The following KIAA0040 variants were observed in gnomAD, a reference collection of about 807,000 sequenced individuals.
KIAA0040 encodes KIAA0040, also known as uncharacterized protein KIAA0040.
In KIAA0040, 10 loss-of-function variants were observed where a neutral mutation model predicts 7.2. The ratio of observed to expected loss-of-function variants is 1.38; its 90% CI spans 0.85 to 2.34. The LOEUF is 2.34. Among genes scored for constraint, KIAA0040 ranks in the 30% most tolerant of loss-of-function variants. The pLI is 0.00. For missense variants in KIAA0040, 89 were observed against 108.2 expected, an observed-to-expected ratio of 0.82 and a Z score of 0.79; for synonymous variants, 49 against 40.1, an observed-to-expected ratio of 1.22 and a Z score of -0.84.
intron 2 of KIAA0040, among the ~76,000 whole-genome samples, chr1:175,176,939 GA>G: frequency 6.6e-6 from 1 of 152,226 alleles, no homozygotes; most frequent in African/African-American, 2.4e-5. Context: ...TTAAGCTGGG[GA>G]TTGCAGGGGG....
chr1:175,166,975 C>T (rs1676788746), intron 2 of KIAA0040, among the ~76,000 whole-genome samples: 1 of 152,168 alleles, frequency 6.6e-6, no homozygotes, highest in African/African-American at 2.4e-5. Context: ...GACAAGCAAA[C>T]CAGATCCCTG....
intron 1 of KIAA0040, among the ~76,000 whole-genome samples, chr1:175,189,278 A>G (rs1677778736): frequency 6.6e-6 from 1 of 152,226 alleles, no homozygotes; most frequent in Non-Finnish European, 1.5e-5. Context: ...TACCCAAGTC[A>G]TTGACTAATG....
chr1:175,189,303 C>T (rs1320720005), intron 1 of KIAA0040, among the ~76,000 whole-genome samples: 1 of 152,124 alleles, frequency 6.6e-6, no homozygotes, highest in African/African-American at 2.4e-5. Context: ...GATTCAGGGC[C>T]ATTGGATTAA....
At chr1:175,173,543 G>A (rs1445737386) in intron 2 of KIAA0040, among the ~76,000 whole-genome samples, 10 of 152,192 alleles carry the variant, frequency 6.6e-5, no homozygotes, top group African/African-American at 1.9e-4. Context: ...GCAGAAAGAC[G>A]TTTGACTCTA....
intron 1 of KIAA0040, among the ~76,000 whole-genome samples, chr1:175,184,242 A>G (rs1459132700): frequency 6.6e-6 from 1 of 152,222 alleles, no homozygotes; most frequent in Non-Finnish European, 1.5e-5. Flanking sequence ...CTTTGAAGCA[A>G]TAACAAACCT....
rs1453904306 is a variant in KIAA0040, at chr1:175,157,039, T to A, written c.*3675A>T. The stretch of plus-strand genomic sequence containing the variant: ...ATTGCAATGAATTTAAATAGTCACA[T>A]GTGGCTATTGGTACCATATTGAACC... On this transcript the variant is annotated 3_prime_UTR_variant, in exon 4 of 4. Coordinates refer to ENST00000423313, the MANE Select transcript of KIAA0040 (RefSeq NM_014656.3). 1 of 151,690 alleles carries A rather than the reference T, an allele frequency of 6.6e-6. No homozygotes were observed. The allele number at this position is 151,690 out of a possible 1,614,324, so 9.4% of individuals were successfully genotyped here. A position where few individuals can be genotyped will look rare whatever the true frequency, so the allele number is the denominator to read the frequency against.
At chr1:175,168,012 T>C (rs1676837279) in intron 2 of KIAA0040, among the ~76,000 whole-genome samples, 1 of 152,108 alleles carries the variant, frequency 6.6e-6, no homozygotes, top group East Asian at 1.9e-4. Flanking sequence ...TGTCCAAACC[T>C]TGCCCCAGCT....
At chr1:175,178,182 C>T (rs1283484245) in intron 1 of KIAA0040, among the ~76,000 whole-genome samples, 1 of 152,212 alleles carries the variant, frequency 6.6e-6, no homozygotes, top group Non-Finnish European at 1.5e-5. Context: ...TTGAATCCTC[C>T]ATGTGTACAA....
At chr1:175,187,763 C>CTGT (rs1677718966) in intron 1 of KIAA0040, among the ~76,000 whole-genome samples, 1 of 152,152 alleles carries the variant, frequency 6.6e-6, no homozygotes, top group Non-Finnish European at 1.5e-5. Flanking sequence ...ACCTCTGAAC[C>CTGT]TGTGGCCCAC....
chr1:175,166,002 C>T (rs1390725208), intron 3 of KIAA0040, among the ~76,000 whole-genome samples: 5 of 152,162 alleles, frequency 3.3e-5, no homozygotes, highest in Non-Finnish European at 7.3e-5. Context: ...CACAATGGCA[C>T]CCAATTAGAA....
intron 2 of KIAA0040, among the ~76,000 whole-genome samples, chr1:175,170,382 G>A (rs533096123): frequency 2.0e-5 from 3 of 152,058 alleles, no homozygotes; most frequent in East Asian, 1.9e-4. Flanking sequence ...CTTTCAATTC[G>A]TCTTTCTAAA....
chr1:175,169,796 A>G (rs895000011), intron 2 of KIAA0040, among the ~76,000 whole-genome samples: 31 of 152,112 alleles, frequency 2.0e-4, no homozygotes, highest in African/African-American at 7.2e-4. Flanking sequence ...CCCTCTCTGC[A>G]GGGCTCTCCC....
Position 175,160,979 on chromosome 1 carries a change from C to T in KIAA0040, c.35G>A (p.Trp12Ter). 4 of 1,551,312 alleles carry T rather than the reference C, an allele frequency of 2.6e-6. No individual in the cohort carries two copies. The highest frequency in any genetic ancestry group is 1.7e-6 in the Non-Finnish European group (2 of 1,146,960). Residue 12 changes from tryptophan (W) to a stop codon, truncating the protein, a stop_gained, in exon 4 of 4, where the codon TGG becomes TAG. Transcript: ENST00000423313. LOFTEE classifies it high-confidence loss of function. ...TTGGTGTTTGGTCAAGATGGTGTCC[C>T]AGATAGAGCTGAAGAAGGCACTGAT... ...ERISAFFSSI[W>*]DTILTKHQEG...
intron 1 of KIAA0040, among the ~76,000 whole-genome samples, chr1:175,180,275 C>T (rs1278861054): frequency 6.6e-6 from 1 of 152,190 alleles, no homozygotes; most frequent in African/African-American, 2.4e-5. Flanking sequence ...TCATGGCATC[C>T]TCTGCATCTG....
At position 175,160,945 on chromosome 1, in the gene KIAA0040, G is replaced by T. The variant is rs576746888; in HGVS notation, c.69C>A (p.Ile23=). 2 of 1,551,564 alleles carry T rather than the reference G, an allele frequency of 1.3e-6. No homozygotes were observed. The highest frequency in any genetic ancestry group is 2.4e-5 in the South Asian group (2 of 84,036). The change falls in exon 4 of 4, where the codon ATC becomes ATA. Residue 23 remains isoleucine, a synonymous_variant. Transcript: ENST00000423313. ...GGACTCCCAGGCAGATGGTGTTGTA[G>T]ATGCCTTCTTGGTGTTTGGTCAAGA... is the stretch of plus-strand genomic sequence containing the variant. ...DTILTKHQEG[I]YNTICLGVLL...
chr1:175,183,704 G>A (rs1023474014), intron 1 of KIAA0040, among the ~76,000 whole-genome samples: 2 of 152,232 alleles, frequency 1.3e-5, no homozygotes, highest in Non-Finnish European at 2.9e-5. Flanking sequence ...GCCACAGCCT[G>A]AGCAGTGGGT....
intron 1 of KIAA0040, among the ~76,000 whole-genome samples, chr1:175,184,902 T>C (rs16847891): frequency 0.012 from 1,821 of 152,326 alleles, 39 homozygotes; most frequent in African/African-American, 0.042. Context: ...TCTGCCAAAA[T>C]GACTGCAATC....
chr1:175,189,168 CT>C (rs1481004846), intron 1 of KIAA0040, among the ~76,000 whole-genome samples: 1 of 152,146 alleles, frequency 6.6e-6, no homozygotes, highest in African/African-American at 2.4e-5. Flanking sequence ...TATTAGAACT[CT>C]GTTTACTTGA....
intron 1 of KIAA0040, among the ~76,000 whole-genome samples, chr1:175,184,928 T>C (rs1677596717): frequency 6.6e-6 from 1 of 152,202 alleles, no homozygotes; most frequent in Admixed American, 6.5e-5. Flanking sequence ...AGAAACAGAA[T>C]GGCTTCTTAT....
Sources: allele counts gnomAD v4.1 joint callset (sites outside exome capture counted in the v4.1 genomes callset), GRCh38; gene constraint gnomAD v4.1.1; transcripts MANE v1.5; gene names NCBI Gene and HGNC (gene_info 2026-07-23, HGNC 2026-07-21).